Variants in CCDC171 observed in about 807,000 individuals in gnomAD.
The protein encoded by CCDC171 is coiled-coil domain-containing protein 171.
A neutral mutation model predicts 168.2 loss-of-function variants in CCDC171; 177 were observed. The observed-to-expected ratio is 1.05, with a 90% confidence interval of 0.93 to 1.19. The LOEUF is 1.19. Among genes scored for constraint, CCDC171 ranks in the 50% most tolerant of loss-of-function variants. The pLI is 0.00. For missense variants in CCDC171, 1,991 were observed against 1,539.0 expected, an observed-to-expected ratio of 1.29 and a Z score of -4.91; for synonymous variants, 687 against 540.8, an observed-to-expected ratio of 1.27 and a Z score of -3.75.
At position 15,868,783 on chromosome 9, in the gene CCDC171, T is replaced by G. The variant is rs560325917; in HGVS notation, c.3469-5749T>G. 2.0e-5 allele frequency among the ~76,000 whole-genome samples: 3 copies of G among 152,098 alleles called. No individual in the cohort carries two copies. The East Asian group carries it at 5.8e-4, about 30-fold the overall frequency. ...AGCACTAGACTTAGTATCCTCATATTAGAGATGGCAATAACTATTTCACAA... is the reference window on the plus strand; with the variant it reads ...AGCACTAGACTTAGTATCCTCATATGAGAGATGGCAATAACTATTTCACAA... On this transcript the variant is annotated intron_variant, in intron 23 of 25. Coordinates refer to ENST00000380701, the MANE Select transcript of CCDC171 (RefSeq NM_173550.4).
intron 24 of CCDC171, among the ~76,000 whole-genome samples, chr9:15,876,705 A>C (rs1015569290): frequency 6.6e-6 from 1 of 152,150 alleles, no homozygotes; most frequent in African/African-American, 2.4e-5. Context: ...ATTGTAGACT[A>C]ATTATGGGCT....
intron 11 of CCDC171, among the ~76,000 whole-genome samples, chr9:15,719,982 T>TA (rs1314545008): frequency 2.2e-5 from 1 of 45,354 alleles, no homozygotes; most frequent in African/African-American, 3.3e-5. Context: ...TTACGAAGAG[T>TA]ACTGTCTCCT....
At chr9:15,674,141 G>T (rs2049337066) in intron 9 of CCDC171, among the ~76,000 whole-genome samples, 1 of 151,854 alleles carries the variant, frequency 6.6e-6, no homozygotes, top group Non-Finnish European at 1.5e-5. Context: ...TTGTATAGAG[G>T]TGTTTATAGG....
intron 6 of CCDC171, among the ~76,000 whole-genome samples, chr9:15,604,737 A>T (rs917190539): frequency 6.6e-6 from 1 of 152,190 alleles, no homozygotes; most frequent in Non-Finnish European, 1.5e-5. Context: ...GGGGTGCAAC[A>T]TATCAAAAGC....
chr9:15,598,666 C>T (rs2131597513), intron 6 of CCDC171, among the ~76,000 whole-genome samples: 2 of 152,122 alleles, frequency 1.3e-5, no homozygotes, highest in African/African-American at 2.4e-5. Flanking sequence ...CTATTAGGTC[C>T]ACTTGGTGCA....
At chr9:15,845,723 T>C (rs890288028) in intron 21 of CCDC171, 4 of 152,114 alleles carry the variant, frequency 2.6e-5, no homozygotes, top group Non-Finnish European at 4.4e-5. Flanking sequence ...ATTATTTAGC[T>C]CACCATCCAA....
At chr9:16,031,852 C>A (rs1299256420) in intron 6 of CCDC171, among the ~76,000 whole-genome samples, 1 of 152,204 alleles carries the variant, frequency 6.6e-6, no homozygotes, top group Non-Finnish European at 1.5e-5. Context: ...CCCTCCACCC[C>A]AGGGCTCTGT....
chr9:15,667,209 C>A (rs1028102062), intron 9 of CCDC171, among the ~76,000 whole-genome samples: 8 of 152,188 alleles, frequency 5.3e-5, no homozygotes, highest in East Asian at 1.9e-4. Context: ...ATTTCCCCCC[C>A]CAGAGGGTGA....
chr9:15,580,589 TAAAAG>T (rs935628716), intron 4 of CCDC171, among the ~76,000 whole-genome samples: 4 of 151,990 alleles, frequency 2.6e-5, no homozygotes, highest in Non-Finnish European at 2.9e-5. Context: ...AGACAATTCT[TAAAAG>T]AAGATATACA....
At chr9:15,827,504 AT>A (rs1422370990) in intron 21 of CCDC171, among the ~76,000 whole-genome samples, 4 of 152,192 alleles carry the variant, frequency 2.6e-5, no homozygotes, top group African/African-American at 9.7e-5. Flanking sequence ...GAAGAGTGTC[AT>A]CTTGAACTAG....
intron 23 of CCDC171, among the ~76,000 whole-genome samples, chr9:15,859,308 T>C (rs1311396497): frequency 1.3e-5 from 2 of 152,048 alleles, no homozygotes; most frequent in African/African-American, 4.8e-5. Flanking sequence ...TTGAGGATTT[T>C]TAGATCTATA....
intron 25 of CCDC171, among the ~76,000 whole-genome samples, chr9:15,951,546 G>GT (rs1829178547): frequency 6.6e-6 from 1 of 151,882 alleles, no homozygotes; most frequent in Admixed American, 6.6e-5. Flanking sequence ...TTGTTTGCTT[G>GT]TTTTTTTAAG....
intron 11 of CCDC171, among the ~76,000 whole-genome samples, chr9:15,718,050 C>A (rs1481481114): frequency 6.6e-6 from 1 of 152,130 alleles, no homozygotes; most frequent in Non-Finnish European, 1.5e-5. Context: ...TGATTCCAGG[C>A]CTTGGCTCTT....
intron 4 of CCDC171, among the ~76,000 whole-genome samples, chr9:15,585,787 G>A (rs1348461925): frequency 6.6e-6 from 1 of 152,070 alleles, no homozygotes; most frequent in Non-Finnish European, 1.5e-5. Flanking sequence ...AGACCATCCT[G>A]ACCAACATAG....
intron 20 of CCDC171, among the ~76,000 whole-genome samples, chr9:15,782,196 C>T (rs2057700615): frequency 6.6e-6 from 1 of 152,174 alleles, no homozygotes; most frequent in African/African-American, 2.4e-5. Context: ...TATAGTTGGT[C>T]TAAAATTATG....
At chr9:16,106,634 C>G in the CCDC171 span, among the ~76,000 whole-genome samples, 2 of 152,154 alleles carry the variant, frequency 1.3e-5, no homozygotes, top group East Asian at 1.9e-4. Flanking sequence ...ACTCCTATTT[C>G]TTTAGAAAGT....
chr9:15,671,486 C>G (rs1011303492), intron 9 of CCDC171, among the ~76,000 whole-genome samples: 1 of 152,030 alleles, frequency 6.6e-6, no homozygotes, highest in Admixed American at 6.6e-5. Context: ...TTAGGTCTTT[C>G]TCCTAATGCT....
chr9:15,776,791 C>T (rs2057351036), intron 18 of CCDC171, among the ~76,000 whole-genome samples: 1 of 152,078 alleles, frequency 6.6e-6, no homozygotes, highest in Admixed American at 6.6e-5. Context: ...GCTTTTTGTG[C>T]TTATGATGTA....
intron 21 of CCDC171, among the ~76,000 whole-genome samples, chr9:15,792,994 G>A (rs1298492091): frequency 6.6e-6 from 1 of 152,136 alleles, no homozygotes; most frequent in East Asian, 1.9e-4. Flanking sequence ...GAATGTAAAT[G>A]GGCTAAATGC....
Sources: allele counts gnomAD v4.1 joint callset (sites outside exome capture counted in the v4.1 genomes callset), GRCh38; gene constraint gnomAD v4.1.1; transcripts MANE v1.5; gene names NCBI Gene and HGNC (gene_info 2026-07-23, HGNC 2026-07-21).